Variants in STK32B observed in about 807,000 individuals in gnomAD.
STK32B encodes serine/threonine-protein kinase 32B.
Under a neutral mutation model 52.6 loss-of-function variants are expected in STK32B, and 43 were observed. The ratio of observed to expected loss-of-function variants is 0.82; its 90% CI spans 0.64 to 1.05. STK32B has a LOEUF of 1.05. Ranked by LOEUF, STK32B falls within the 50% of genes least tolerant of loss-of-function variation. The pLI is 0.00. For missense variants in STK32B, 621 were observed against 534.6 expected (o/e 1.16, Z -1.59); for synonymous variants, 238 against 204.3 (o/e 1.17, Z -1.41).
intron 2 of STK32B, among the ~76,000 whole-genome samples, chr4:5,144,488 C>T (rs1261989499): frequency 4.6e-5 from 7 of 152,094 alleles, no homozygotes; most frequent in African/African-American, 1.7e-4. Context: ...TGGAGGAGGA[C>T]CTGTCTGGAC....
intron 1 of STK32B, among the ~76,000 whole-genome samples, chr4:5,099,292 C>T (rs1214023124): frequency 6.6e-6 from 1 of 152,164 alleles, no homozygotes; most frequent in Admixed American, 6.5e-5. Context: ...CCATCTGCAA[C>T]CTAAGTCCCC....
intron 3 of STK32B, among the ~76,000 whole-genome samples, chr4:5,302,167 G>A (rs1729604418): frequency 6.6e-6 from 1 of 150,472 alleles, no homozygotes. Flanking sequence ...ATGTGTTTTA[G>A]CAACTTTTTA....
At chr4:5,318,588 G>A (rs1208050039) in intron 3 of STK32B, among the ~76,000 whole-genome samples, 2 of 152,118 alleles carry the variant, frequency 1.3e-5, no homozygotes. Flanking sequence ...CATCACTGCA[G>A]TGATTTAAAT....
chr4:5,156,458 C>A (rs1717854625), intron 2 of STK32B, among the ~76,000 whole-genome samples: 1 of 152,186 alleles, frequency 6.6e-6, no homozygotes, highest in African/African-American at 2.4e-5. Flanking sequence ...TTTCCACTCA[C>A]CCTCGTCCAG....
intron 4 of STK32B, among the ~76,000 whole-genome samples, chr4:5,339,889 TG>T (rs1354372801): frequency 1.3e-5 from 2 of 152,182 alleles, no homozygotes; most frequent in African/African-American, 4.8e-5. Context: ...TTCCTCTGTC[TG>T]GGGGAACTGG....
At chr4:5,082,368 A>G (rs1008831833) in intron 1 of STK32B, among the ~76,000 whole-genome samples, 1 of 152,112 alleles carries the variant, frequency 6.6e-6, no homozygotes, top group Admixed American at 6.6e-5. Flanking sequence ...GGGCAGGGAG[A>G]GAGGGATGAG....
chr4:5,240,007 C>T (rs1212886491), intron 3 of STK32B, among the ~76,000 whole-genome samples: 3 of 151,968 alleles, frequency 2.0e-5, no homozygotes, highest in Admixed American at 6.6e-5. Flanking sequence ...ATCATTCTTT[C>T]CCATCTCTCT....
chr4:5,438,675 A>G (rs1006523416), intron 6 of STK32B, among the ~76,000 whole-genome samples: 1 of 152,206 alleles, frequency 6.6e-6, no homozygotes, highest in Non-Finnish European at 1.5e-5. Context: ...ATATGTATAC[A>G]TGTGCCATGC....
rs1720500210 is a variant in STK32B at position 5,498,885 on chromosome 4, C to T, written c.1107-60C>T. The T allele has an allele frequency of 1.7e-5, 26 of 1,536,468 alleles. No individual in the cohort carries two copies. In the South Asian group the frequency reaches 2.8e-4, roughly 16 times the overall value. On this transcript the variant is annotated intron_variant, in intron 11 of 11. Transcript: ENST00000282908. ...TTGCCCTGCCTGCCCAGTGTGTCTCCTGGATGTGCCTCCACAACCCCATGC... is the reference window on the plus strand; with the variant it reads ...TTGCCCTGCCTGCCCAGTGTGTCTCTTGGATGTGCCTCCACAACCCCATGC...
the STK32B span, among the ~76,000 whole-genome samples, chr4:5,039,704 C>G: frequency 6.6e-6 from 1 of 152,172 alleles, no homozygotes; most frequent in Non-Finnish European, 1.5e-5. Flanking sequence ...CTATGATTGA[C>G]AGTGCAAGGA....
chr4:5,281,493 A>T (rs897324737), intron 3 of STK32B, among the ~76,000 whole-genome samples: 1 of 152,206 alleles, frequency 6.6e-6, no homozygotes, highest in African/African-American at 2.4e-5. Flanking sequence ...TAATGCGTGC[A>T]GGCCCTAAAC....
Position 5,269,136 on chromosome 4 carries a change from G to A in STK32B, c.261-62084G>A, listed in dbSNP as rs145395093. ...AGAGCAGAGCATGCACAGAGACCTCGAGAGATATGAAGAGGGCTTGCCTGG... is the reference window on the plus strand; with the variant it reads ...AGAGCAGAGCATGCACAGAGACCTCAAGAGATATGAAGAGGGCTTGCCTGG... On this transcript the variant is annotated intron_variant, in intron 3 of 11. Coordinates refer to ENST00000282908, the MANE Select transcript of STK32B (RefSeq NM_018401.3). Among the ~76,000 whole-genome samples, 15 of 152,218 alleles carry A rather than the reference G, an allele frequency of 9.9e-5. 1 individual carries two copies. In the East Asian group the frequency reaches 2.3e-3, roughly 24 times the overall value.
intron 4 of STK32B, among the ~76,000 whole-genome samples, chr4:5,338,999 G>C (rs750316447): frequency 7.9e-5 from 12 of 152,266 alleles, no homozygotes; most frequent in Admixed American, 1.3e-4. Context: ...AATGTCGTGG[G>C]CATCAACGAT....
chr4:5,019,624 C>G, the STK32B span, among the ~76,000 whole-genome samples: 1 of 152,208 alleles, frequency 6.6e-6, no homozygotes, highest in Admixed American at 6.5e-5. Flanking sequence ...CTCTCAGACA[C>G]GAAAGCCCCA....
chr4:5,409,548 C>T (rs541605063), intron 5 of STK32B, among the ~76,000 whole-genome samples: 1 of 152,194 alleles, frequency 6.6e-6, no homozygotes, highest in African/African-American at 2.4e-5. Context: ...GGTGGAATAA[C>T]ACTAAAAATT....
At chr4:5,353,489 T>C (rs551288822) in intron 4 of STK32B, among the ~76,000 whole-genome samples, 183 of 151,590 alleles carry the variant, frequency 1.2e-3, no homozygotes, top group Non-Finnish European at 2.0e-3. Flanking sequence ...AAAATATTTG[T>C]AAACTATTCA....
intron 3 of STK32B, among the ~76,000 whole-genome samples, chr4:5,268,590 A>G (rs960070120): frequency 6.7e-6 from 1 of 149,648 alleles, no homozygotes; most frequent in Non-Finnish European, 1.5e-5. Flanking sequence ...TGTGTATAGC[A>G]AATATATATG....
chr4:5,345,865 A>G (rs1334244804), intron 4 of STK32B, among the ~76,000 whole-genome samples: 1 of 152,242 alleles, frequency 6.6e-6, no homozygotes, highest in Non-Finnish European at 1.5e-5. Flanking sequence ...TTGCTTGTGT[A>G]TGAAAATAAA....
chr4:5,369,938 C>G (rs984159074), intron 4 of STK32B, among the ~76,000 whole-genome samples: 5 of 151,480 alleles, frequency 3.3e-5, no homozygotes, highest in African/African-American at 1.2e-4. Flanking sequence ...TGCAGTGGCA[C>G]GATTTCTGCT....
Sources: allele counts gnomAD v4.1 joint callset (sites outside exome capture counted in the v4.1 genomes callset), GRCh38; gene constraint gnomAD v4.1.1; transcripts MANE v1.5; gene names NCBI Gene and HGNC (gene_info 2026-07-23, HGNC 2026-07-21).